CYP4F11: variants seen among roughly 807,000 people sequenced by gnomAD.
CYP4F11 encodes cytochrome P450 family 4 subfamily F member 11, also known as cytochrome P450 4F11.
A neutral mutation model predicts 62.2 loss-of-function variants in CYP4F11; 79 were observed. That is an observed-to-expected ratio of 1.27 (90% CI 1.06 to 1.53). The LOEUF is 1.53. Among genes scored for constraint, CYP4F11 ranks in the 40% most tolerant of loss-of-function variants. The pLI, the probability that CYP4F11 is intolerant of heterozygous loss-of-function variation, is 0.00. For synonymous variants in CYP4F11, 290 were observed against 263.7 expected, an observed-to-expected ratio of 1.10 and a Z score of -0.97; for missense variants, 777 against 680.5, an observed-to-expected ratio of 1.14 and a Z score of -1.58.
chr19:15,934,740 C>A (rs1005719860), upstream of CYP4F11: 2 of 276,986 alleles, frequency 7.2e-6, no homozygotes, highest in Non-Finnish European at 1.3e-5. Context: ...CCCACCCCAA[C>A]CTTGGGCAGT....
chr19:15,922,173 G>A lies in CYP4F11; in HGVS notation c.986-7C>T. 1.9e-6 allele frequency: 3 copies of A among 1,606,152 alleles called. No homozygotes were observed. The highest frequency in any genetic ancestry group is 2.5e-6 in the Non-Finnish European group (3 of 1,176,908). On this transcript the variant is annotated splice_polypyrimidine_tract_variant and splice_region_variant and intron_variant, in intron 7 of 11. Coordinates refer to ENST00000402119, the MANE Select transcript of CYP4F11 (RefSeq NM_021187.4). Reference sequence around the variant, plus strand: ...CTGGCTGTAGTGTCATGGCCTGAGGGGCAGCCAAGCAAAACTGGGTTTCTG... The same window carrying A: ...CTGGCTGTAGTGTCATGGCCTGAGGAGCAGCCAAGCAAAACTGGGTTTCTG...
rs149719337 is a variant in CYP4F11 at position 15,934,135 on chromosome 19, TCCCTGAG to T, written c.198+69_198+75del. The T allele has an allele frequency of 2.0e-3, 3,029 of 1,521,486 alleles. 55 individuals are homozygous for T. In the African/African-American group the frequency reaches 0.036, roughly 18 times the overall value. The allele number at this position is 1,521,486 out of a possible 1,614,324, so 94.2% of individuals were successfully genotyped here. On this transcript the variant is annotated intron_variant, in intron 1 of 11. Transcript: ENST00000402119. The stretch of plus-strand genomic sequence containing the variant: ...ACCCCAGCCACCCTCAAAACCCAGC[TCCCTGAG>T]CCCCATTCCTGCCCCTCAGGAACTC...
At chr19:15,918,346 T>C (rs2089597983) in intron 8 of CYP4F11, among the ~76,000 whole-genome samples, 1 of 152,104 alleles carries the variant, frequency 6.6e-6, no homozygotes, top group Non-Finnish European at 1.5e-5. Context: ...CTGGGCTTAA[T>C]ACCAAGGCGA....
intron 4 of CYP4F11, among the ~76,000 whole-genome samples, chr19:15,926,982 G>A (rs912651826): frequency 3.3e-5 from 5 of 152,194 alleles, no homozygotes; most frequent in Non-Finnish European, 7.3e-5. Flanking sequence ...AAGGATTTCT[G>A]TGAGAGAAGC....
intron 8 of CYP4F11, among the ~76,000 whole-genome samples, chr19:15,917,869 T>A (rs1162026630): frequency 3.9e-5 from 6 of 152,052 alleles, no homozygotes; most frequent in African/African-American, 1.4e-4. Context: ...TGACAAAAAT[T>A]TAGTGTGGTG....
chr19:15,929,277 G>T (rs57277496), intron 2 of CYP4F11, among the ~76,000 whole-genome samples, 180 bp downstream of exon 2: 1 of 152,206 alleles, frequency 6.6e-6, no homozygotes, highest in Non-Finnish European at 1.5e-5. Flanking sequence ...TGGCAGTGGA[G>T]GGAGGAGACG....
rs764452899 is a variant in CYP4F11 at position 15,925,690 on chromosome 19, G to GTA, written c.526-810_526-809dup. On this transcript the variant is annotated intron_variant, in intron 4 of 11. Coordinates refer to ENST00000402119, the MANE Select transcript of CYP4F11 (RefSeq NM_021187.4). ...CAGAACTTAAAGCAAATGTGTGTGT[G>GTA]TATATATATATACACACACATATAT... 6.2e-4 allele frequency among the ~76,000 whole-genome samples: 90 copies of GTA among 145,186 alleles called. No individual in the cohort carries two copies. The East Asian group carries it at 0.011, about 18-fold the overall frequency.
chr19:15,912,777 A>ATG lies in CYP4F11; in HGVS notation c.*954_*955insCA, dbSNP rs1294572282. Reference sequence around the variant, plus strand: ...TGTGTGTGTGTGTGTGTGTGTATATATATATATATATAATATATATATATA... The same window carrying ATG: ...TGTGTGTGTGTGTGTGTGTGTATATATGTATATATATATAATATATATATATA... On this transcript the variant is annotated 3_prime_UTR_variant, in exon 12 of 12. Coordinates refer to ENST00000402119, the MANE Select transcript of CYP4F11 (RefSeq NM_021187.4). The ATG allele has an allele frequency of 2.8e-4, 11 of 38,640 alleles. No individual in the cohort carries two copies. Among genetic ancestry groups the ATG allele is most frequent in the African/African-American group, 1.1e-3 (11 of 10,108 alleles). The allele number at this position is 38,640 out of a possible 1,614,324, so 2.4% of individuals were successfully genotyped here. A position where few individuals can be genotyped will look rare whatever the true frequency, so the allele number is the denominator to read the frequency against.
Position 15,924,027 on chromosome 19 carries a change from T to C in CYP4F11, c.703A>G (p.Arg235Gly). 6.2e-7 allele frequency: 1 copy of C among 1,614,202 alleles called. No individual in the cohort carries two copies. Among genetic ancestry groups the C allele is most frequent in the Non-Finnish European group, 8.5e-7 (1 of 1,180,032 alleles). The change falls in exon 6 of 12, where the codon AGA becomes GGA. Residue 235 changes from arginine to glycine, a missense_variant. Arg to Gly is a moderately radical substitution (Grantham distance 125). Transcript: ENST00000402119. The stretch of plus-strand genomic sequence containing the variant: ...GTGTGCAAGAGAATCTGCTGGTTTC[T>C]CTTTTCTACAAAGGCACTGAGCTCC... The part of the protein sequence containing the change: ...ILELSAFVEK[R>G]NQQILLHTDF...
In CYP4F11 at chr19:15,913,725, A is replaced by G; in HGVS notation, c.*7T>C. ...ACTCTACAGAGGTGGGTGGGTGGGTAGGACAGTCACTGTGAGTTCGCACCC... is the reference window on the plus strand; with the variant it reads ...ACTCTACAGAGGTGGGTGGGTGGGTGGGACAGTCACTGTGAGTTCGCACCC... On this transcript the variant is annotated 3_prime_UTR_variant, in exon 12 of 12. Coordinates refer to ENST00000402119, the MANE Select transcript of CYP4F11 (RefSeq NM_021187.4). 1.3e-6 allele frequency: 2 copies of G among 1,597,154 alleles called. No homozygotes were observed. Among genetic ancestry groups the G allele is most frequent in the African/African-American group, 2.7e-5 (2 of 74,850 alleles).
intron 8 of CYP4F11, among the ~76,000 whole-genome samples, chr19:15,920,230 A>C (rs964521521): frequency 6.6e-6 from 1 of 152,248 alleles, no homozygotes; most frequent in South Asian, 2.1e-4. Flanking sequence ...ATTAAAAAAC[A>C]AACTCATTTT....
At chr19:15,918,093 A>G (rs918067420) in intron 8 of CYP4F11, among the ~76,000 whole-genome samples, 1 of 152,200 alleles carries the variant, frequency 6.6e-6, no homozygotes, top group African/African-American at 2.4e-5. Flanking sequence ...ACACCATGGA[A>G]TACTATGCAG....
chr19:15,915,001 C>A, intron 8 of CYP4F11, 106 bp from the exon 9 acceptor site: 2 of 1,492,886 alleles, frequency 1.3e-6, no homozygotes, highest in Non-Finnish European at 1.8e-6. Flanking sequence ...AAAATAAATT[C>A]CACATGGATG....
chr19:15,928,350 C>T (rs1172308261), intron 2 of CYP4F11, among the ~76,000 whole-genome samples: 2 of 152,076 alleles, frequency 1.3e-5, no homozygotes, highest in Non-Finnish European at 2.9e-5. Context: ...AAAACATAGG[C>T]TATATATGGG....
At chr19:15,916,208 T>G (rs1406849823) in intron 8 of CYP4F11, among the ~76,000 whole-genome samples, 1 of 152,152 alleles carries the variant, frequency 6.6e-6, no homozygotes, top group Admixed American at 6.5e-5. Flanking sequence ...CAATCACATA[T>G]TCAAGTCAAA....
At chr19:15,925,505 G>A (rs1037162458) in intron 4 of CYP4F11, among the ~76,000 whole-genome samples, 4 of 151,798 alleles carry the variant, frequency 2.6e-5, no homozygotes, top group African/African-American at 9.7e-5. Context: ...TTACACACTG[G>A]GTCCTGTCAG....
At chr19:15,919,857 G>A (rs1010277820) in intron 8 of CYP4F11, among the ~76,000 whole-genome samples, 1 of 152,182 alleles carries the variant, frequency 6.6e-6, no homozygotes, top group Non-Finnish European at 1.5e-5. Context: ...TCAATTACCT[G>A]TGAGAGCTAA....
rs570343433 is a variant in CYP4F11 at position 15,914,379 on chromosome 19, G to T, written c.1323C>A (p.Asp441Glu). The change falls in exon 11 of 12, where the codon GAC (aspartate) becomes GAA (glutamate). Residue 441 changes from aspartate (D) to glutamate (E), a missense_variant. Coordinates refer to ENST00000402119, the MANE Select transcript of CYP4F11 (RefSeq NM_021187.4). ...TGTTCTCTTGGTCGAAACGGAAGGG[G>T]TCGTAGACCTGCAGGTGAGACCAAG... ...PTVWPDPEVY[D>E]PFRFDQENIK... The T allele has an allele frequency of 3.1e-6, 5 of 1,613,972 alleles. No individual in the cohort carries two copies. In the South Asian group the frequency reaches 4.4e-5, roughly 14 times the overall value.
chr19:15,922,892 A>AG (rs932245406), intron 6 of CYP4F11, among the ~76,000 whole-genome samples: 1 of 59,254 alleles, frequency 1.7e-5, no homozygotes, highest in Non-Finnish European at 5.4e-5. Flanking sequence ...CGTCCCTACT[A>AG]AAAAAAAAAT....
Sources: allele counts gnomAD v4.1 joint callset (sites outside exome capture counted in the v4.1 genomes callset), GRCh38; gene constraint gnomAD v4.1.1; transcripts MANE v1.5; gene names NCBI Gene and HGNC (gene_info 2026-07-23, HGNC 2026-07-21).